Variants in JAK2 observed in about 807,000 individuals in gnomAD.
JAK2 encodes the protein tyrosine-protein kinase JAK2.
A neutral mutation model predicts 139.3 loss-of-function variants in JAK2; 86 were observed. The observed-to-expected ratio is 0.62, with a 90% CI of 0.52 to 0.74. JAK2 has a LOEUF of 0.74. Among genes scored for constraint, JAK2 ranks in the 30% least tolerant of loss-of-function variants. JAK2 has a pLI of 0.00. For synonymous variants in JAK2, 490 were observed against 437.7 expected (o/e 1.12, Z -1.49); for missense variants, 1,421 against 1,360.3 (o/e 1.04, Z -0.70).
At chr9:4,995,217 G>C (rs1224026879) in intron 2 of JAK2, among the ~76,000 whole-genome samples, 2 of 152,128 alleles carry the variant, frequency 1.3e-5, no homozygotes, top group South Asian at 4.1e-4. Flanking sequence ...CTTTCTATTG[G>C]ATTTGTGGTC....
At position 5,072,522 on chromosome 9, in the gene JAK2, A is replaced by G. The variant is rs1269687415; in HGVS notation, c.1672A>G (p.Lys558Glu). The change falls in exon 13 of 25, where the codon AAG becomes GAG. Residue 558 changes from lysine to glutamate, a missense_variant. Physicochemically the swap from Lys to Glu is moderately conservative, Grantham distance 56. Coordinates refer to ENST00000381652, the MANE Select transcript of JAK2 (RefSeq NM_004972.4). The part of the protein sequence containing the change: ...NESLGQGTFT[K>E]IFKGVRREVG... ...AAGCCTTGGCCAAGGCACTTTTACA[A>G]AGATTTTTAAAGGCGTACGAAGAGA... The G allele has an allele frequency of 1.3e-6, 2 of 1,596,916 alleles. No individual in the cohort carries two copies. The highest frequency in any genetic ancestry group is 1.7e-6 in the Non-Finnish European group (2 of 1,170,612).
At chr9:4,992,499 T>C (rs1820312854) in intron 2 of JAK2, among the ~76,000 whole-genome samples, 1 of 152,174 alleles carries the variant, frequency 6.6e-6, no homozygotes, top group Non-Finnish European at 1.5e-5. Context: ...TTATTAATAC[T>C]ATTGCCATAG....
intron 22 of JAK2, among the ~76,000 whole-genome samples, chr9:5,105,562 T>G (rs1320044162): frequency 6.6e-6 from 1 of 152,152 alleles, no homozygotes; most frequent in East Asian, 1.9e-4. Flanking sequence ...TGGAAACAAC[T>G]ACTTTCAAGT....
At chr9:4,995,803 A>C (rs1446410619) in intron 2 of JAK2, among the ~76,000 whole-genome samples, 2 of 152,132 alleles carry the variant, frequency 1.3e-5, no homozygotes, top group Non-Finnish European at 2.9e-5. Context: ...TCTATTTCTG[A>C]TTTTAAACTT....
intron 22 of JAK2, chr9:5,099,797 C>G (rs1018461996): frequency 2.0e-5 from 3 of 152,214 alleles, no homozygotes; most frequent in Admixed American, 6.5e-5. Flanking sequence ...TTCACTGCCT[C>G]AACCAACCTC....
intron 14 of JAK2, 115 bp from the exon 15 acceptor site, chr9:5,077,338 G>C: frequency 2.7e-6 from 1 of 364,600 alleles, no homozygotes; most frequent in Non-Finnish European, 4.6e-6. Context: ...TGTGAGTTTT[G>C]CCAATTTAAT....
intron 12 of JAK2, 92 bp from the exon 13 acceptor site, chr9:5,072,400 T>TA (rs954623080): frequency 2.3e-5 from 21 of 931,170 alleles, no homozygotes; most frequent in Middle Eastern, 7.2e-4. Flanking sequence ...CTTATGGATT[T>TA]AAAAAAATTC....
chr9:5,043,831 G>T (rs1033432781), intron 4 of JAK2, among the ~76,000 whole-genome samples: 2 of 152,222 alleles, frequency 1.3e-5, no homozygotes, highest in Non-Finnish European at 2.9e-5. Context: ...TATGCTGAGT[G>T]AAAGAAGGCA....
chr9:5,126,620 C>A, intron 24 of JAK2, 64 bp from the exon 25 acceptor site: 1 of 1,181,360 alleles, frequency 8.5e-7, no homozygotes, highest in Non-Finnish European at 1.2e-6. Context: ...AAATTAATGT[C>A]TTCCACCAAT....
At chr9:5,015,854 C>G (rs1587829110) in intron 2 of JAK2, among the ~76,000 whole-genome samples, 1 of 152,184 alleles carries the variant, frequency 6.6e-6, no homozygotes, top group Non-Finnish European at 1.5e-5. Flanking sequence ...CAGTTACCAT[C>G]CTTTCTGTTC....
chr9:5,082,406 G>T (rs528286669), intron 19 of JAK2, among the ~76,000 whole-genome samples: 1 of 152,352 alleles, frequency 6.6e-6, no homozygotes, highest in East Asian at 1.9e-4. Flanking sequence ...GTGGAGTAAA[G>T]AATAATAAAG....
intron 18 of JAK2, among the ~76,000 whole-genome samples, chr9:5,081,018 C>T (rs867556608): frequency 2.6e-5 from 4 of 151,038 alleles, no homozygotes; most frequent in African/African-American, 7.3e-5. Flanking sequence ...GCCTCAGCCT[C>T]CTGAGTAGCT....
chr9:5,047,443 A>G (rs1022749527), intron 5 of JAK2, among the ~76,000 whole-genome samples: 3 of 152,242 alleles, frequency 2.0e-5, no homozygotes, highest in Non-Finnish European at 4.4e-5. Flanking sequence ...ATCATCAAAT[A>G]TGGCTGCTAA....
At chr9:5,072,788 G>A (rs920156443) in intron 13 of JAK2, among the ~76,000 whole-genome samples, 162 bp downstream of exon 13, 1 of 151,886 alleles carries the variant, frequency 6.6e-6, no homozygotes, top group Non-Finnish European at 1.5e-5. Context: ...AGAATTACAG[G>A]GTTTGAAAAT....
chr9:5,071,382 GA>G (rs1336966559), intron 12 of JAK2, among the ~76,000 whole-genome samples: 6 of 152,182 alleles, frequency 3.9e-5, no homozygotes, highest in Admixed American at 2.6e-4. Flanking sequence ...AGAATTTTCA[GA>G]TACAGACTAT....
chr9:5,071,316 TA>T (rs1173593660), intron 12 of JAK2, among the ~76,000 whole-genome samples: 1 of 152,140 alleles, frequency 6.6e-6, no homozygotes, highest in Admixed American at 6.6e-5. Flanking sequence ...CAGGATTAAT[TA>T]AGAGTCAGTA....
At chr9:5,088,133 C>T (rs1281531052) in intron 19 of JAK2, among the ~76,000 whole-genome samples, 2 of 152,070 alleles carry the variant, frequency 1.3e-5, no homozygotes, top group Non-Finnish European at 1.5e-5. Context: ...GGATGAAAAA[C>T]CTCATTTTAG....
intron 6 of JAK2, among the ~76,000 whole-genome samples, chr9:5,051,584 T>G (rs1234848166): frequency 1.3e-5 from 2 of 152,190 alleles, no homozygotes; most frequent in Non-Finnish European, 2.9e-5. Flanking sequence ...CAAATTATTC[T>G]TCTGCATATT....
At chr9:5,124,667 G>A (rs1011630671) in intron 23 of JAK2, among the ~76,000 whole-genome samples, 131 of 151,904 alleles carry the variant, frequency 8.6e-4, no homozygotes, top group African/African-American at 3.0e-3. Context: ...ATATTATAAG[G>A]CTACAGTAAC....
Sources: allele counts gnomAD v4.1 joint callset (sites outside exome capture counted in the v4.1 genomes callset), GRCh38; gene constraint gnomAD v4.1.1; transcripts MANE v1.5; gene names NCBI Gene and HGNC (gene_info 2026-07-23, HGNC 2026-07-21).